CPEB3: variants seen among roughly 807,000 people sequenced by gnomAD.
CPEB3 encodes the protein cytoplasmic polyadenylation element-binding protein 3.
A neutral mutation model predicts 67.2 loss-of-function variants in CPEB3; 20 were observed. The ratio of observed to expected loss-of-function variants is 0.30; its 90% CI spans 0.21 to 0.43. The LOEUF (loss-of-function observed/expected upper bound fraction) is 0.43, where lower values mean the gene tolerates loss of function less well. CPEB3 is among the 20% of genes least tolerant of loss of function. CPEB3 has a pLI of 1.00. For missense variants in CPEB3, 746 were observed against 968.6 expected (o/e 0.77, Z 3.05); for synonymous variants, 376 against 393.1 (o/e 0.96, Z 0.51).
chr10:92,126,079 C>T (rs1349156464), intron 6 of CPEB3, among the ~76,000 whole-genome samples: 1 of 152,070 alleles, frequency 6.6e-6, no homozygotes, highest in East Asian at 1.9e-4. Flanking sequence ...ATTAGGATGA[C>T]CTATGTCACA....
At chr10:92,083,364 TG>T (rs1195322062) in intron 8 of CPEB3, among the ~76,000 whole-genome samples, 1 of 152,236 alleles carries the variant, frequency 6.6e-6, no homozygotes, top group Non-Finnish European at 1.5e-5. Context: ...AAAGCCAAGT[TG>T]ATGCTGACTG....
At chr10:92,224,856 A>C (rs1403255952) in intron 2 of CPEB3, among the ~76,000 whole-genome samples, 1 of 148,414 alleles carries the variant, frequency 6.7e-6, no homozygotes, top group Non-Finnish European at 1.5e-5. Context: ...TTCTTAAAAA[A>C]AACTATATAT....
intron 1 of CPEB3, among the ~76,000 whole-genome samples, chr10:92,261,657 C>T (rs1852806233): frequency 1.3e-5 from 2 of 152,164 alleles, no homozygotes; most frequent in African/African-American, 4.8e-5. Flanking sequence ...CCATGTTGGT[C>T]AGGCTGGTCT....
chr10:92,137,637 A>G (rs1414641288), intron 6 of CPEB3: 3 of 613,220 alleles, frequency 4.9e-6, no homozygotes, highest in Admixed American at 2.5e-5. Flanking sequence ...AACTGAGCAC[A>G]CTGTGTGGCT....
intron 1 of CPEB3, among the ~76,000 whole-genome samples, chr10:92,241,774 A>C (rs886353111): frequency 3.3e-5 from 5 of 152,238 alleles, no homozygotes; most frequent in African/African-American, 1.2e-4. Flanking sequence ...CTTTAAATAT[A>C]TAAATATTAC....
At chr10:92,129,555 T>G (rs2133698304) in intron 6 of CPEB3, among the ~76,000 whole-genome samples, 2 of 152,250 alleles carry the variant, frequency 1.3e-5, no homozygotes, top group East Asian at 3.9e-4. Context: ...AAATAACATG[T>G]TCAAAGAGAA....
chr10:92,176,960 A>G (rs1848248192), intron 4 of CPEB3, among the ~76,000 whole-genome samples: 1 of 152,252 alleles, frequency 6.6e-6, no homozygotes, highest in Admixed American at 6.5e-5. Flanking sequence ...TTGTTTTAAG[A>G]CAAATTTAAA....
Position 92,052,008 on chromosome 10 carries a change from A to G in CPEB3, c.*204T>C, listed in dbSNP as rs1358017890. The G allele has an allele frequency of 9.2e-6, 5 of 540,968 alleles. No individual in the cohort carries two copies. Among genetic ancestry groups the G allele is most frequent in the Admixed American group, 3.2e-5 (1 of 31,660 alleles). 33.5% of individuals were successfully genotyped at this position (540,968 alleles called of 1,614,324 possible). ...AAAGTGCAAATCAGTACCATTCTAC[A>G]CTCTGCAATTCTGCATTATACTGGA... is the stretch of plus-strand genomic sequence containing the variant. On this transcript the variant is annotated 3_prime_UTR_variant, in exon 10 of 10. Transcript: ENST00000265997.
At chr10:92,125,645 G>A (rs755607907) in intron 6 of CPEB3, among the ~76,000 whole-genome samples, 4 of 152,040 alleles carry the variant, frequency 2.6e-5, no homozygotes, top group Non-Finnish European at 5.9e-5. Context: ...GGGAGGTTAT[G>A]CTATCTATCA....
At chr10:92,278,473 C>A (rs1047457015) in intron 1 of CPEB3, among the ~76,000 whole-genome samples, 1 of 152,004 alleles carries the variant, frequency 6.6e-6, no homozygotes, top group African/African-American at 2.4e-5. Context: ...TTATTCTTTG[C>A]GATGCCTTTA....
intron 6 of CPEB3, among the ~76,000 whole-genome samples, chr10:92,125,839 G>T (rs920488202): frequency 6.6e-6 from 1 of 151,612 alleles, no homozygotes; most frequent in African/African-American, 2.4e-5. Flanking sequence ...TCCTCCCACC[G>T]CAGCCTCCCA....
intron 9 of CPEB3, among the ~76,000 whole-genome samples, chr10:92,054,404 C>G (rs1341689728): frequency 6.6e-6 from 1 of 151,972 alleles, no homozygotes; most frequent in Non-Finnish European, 1.5e-5. Flanking sequence ...TCATCATTTG[C>G]TGATAGAAAT....
chr10:92,240,141 C>G lies in CPEB3; in HGVS notation c.210G>C (p.Lys70Asn). The G allele has an allele frequency of 6.4e-7, 1 of 1,566,126 alleles. No homozygotes were observed. The highest frequency in any genetic ancestry group is 8.7e-7 in the Non-Finnish European group (1 of 1,155,016). The change falls in exon 2 of 10, where the codon AAG becomes AAC. Residue 70 changes from lysine to asparagine, a missense_variant. Physicochemically the swap from Lys to Asn is moderately conservative, Grantham distance 94. Around this residue, in one of 2 missense-constraint regions of CPEB3, gnomAD observed 643 missense variants for 717.5 expected, o/e 0.90. Transcript: ENST00000265997. ...AAPPAPNGPD[K>N]MQMESPLLPG... Reference sequence around the variant, plus strand: ...GCAGGAGCGGTGATTCCATCTGCATCTTGTCCGGGCCGTTGGGGGCCGGGG... The same window carrying G: ...GCAGGAGCGGTGATTCCATCTGCATGTTGTCCGGGCCGTTGGGGGCCGGGG...
intron 6 of CPEB3, among the ~76,000 whole-genome samples, chr10:92,141,803 G>T (rs1016183197): frequency 2.6e-5 from 4 of 151,106 alleles, no homozygotes; most frequent in Non-Finnish European, 5.9e-5. Flanking sequence ...CGGATCACGA[G>T]GTCAGGAGAG....
chr10:92,223,733 C>T lies in CPEB3; in HGVS notation c.1005+15613G>A, dbSNP rs369672410. ...GGATTACAGGCACCTGTCACCACGC[C>T]TGGTTAATTTTTGTAATTTTTTTTT... On this transcript the variant is annotated intron_variant, in intron 2 of 9. Coordinates refer to ENST00000265997, the MANE Select transcript of CPEB3 (RefSeq NM_014912.5). Among the ~76,000 whole-genome samples, 4 of 149,244 alleles carry T rather than the reference C, an allele frequency of 2.7e-5. No homozygotes were observed. In the South Asian group the frequency reaches 8.4e-4, roughly 31 times the overall value.
chr10:92,059,334 A>AACAAAAAAAAAAAC, intron 9 of CPEB3, among the ~76,000 whole-genome samples: 1 of 150,908 alleles, frequency 6.6e-6, no homozygotes, highest in African/African-American at 2.4e-5. Flanking sequence ...TCAAAAAAAA[A>AACAAAAAAAAAAAC]ACAAAGAAAA....
At chr10:92,132,774 A>G (rs1364871703) in intron 6 of CPEB3, among the ~76,000 whole-genome samples, 1 of 152,038 alleles carries the variant, frequency 6.6e-6, no homozygotes, top group Non-Finnish European at 1.5e-5. Context: ...GAAGTAAAGC[A>G]CTCCTCAGCA....
intron 2 of CPEB3, among the ~76,000 whole-genome samples, chr10:92,194,362 C>T (rs1590354125): frequency 6.6e-6 from 1 of 151,756 alleles, no homozygotes; most frequent in South Asian, 2.1e-4. Flanking sequence ...TTGCTTGGAC[C>T]CGGGAGGCAG....
intron 1 of CPEB3, among the ~76,000 whole-genome samples, chr10:92,256,817 A>G (rs908484787): frequency 6.6e-6 from 1 of 152,178 alleles, no homozygotes; most frequent in South Asian, 2.1e-4. Context: ...TAAGACACAT[A>G]TATCTCTATT....
Sources: allele counts gnomAD v4.1 joint callset (sites outside exome capture counted in the v4.1 genomes callset), GRCh38; gene constraint gnomAD v4.1.1; regional missense constraint gnomAD v4.1.1; transcripts MANE v1.5; gene names NCBI Gene and HGNC (gene_info 2026-07-23, HGNC 2026-07-21).